NPAS3: variants seen among roughly 807,000 people sequenced by gnomAD.
NPAS3 encodes the protein neuronal PAS domain protein 3.
Under a neutral mutation model 73.1 loss-of-function variants are expected in NPAS3, and 14 were observed. The ratio of observed to expected loss-of-function variants is 0.19; its 90% confidence interval spans 0.13 to 0.30. The LOEUF (loss-of-function observed/expected upper bound fraction) is 0.30. NPAS3 is among the 10% of genes least tolerant of loss of function. The probability of loss-of-function intolerance (pLI) is 1.00; values close to 1 mark genes in which losing one functional copy is unlikely to be tolerated. For synonymous variants in NPAS3, 620 were observed against 541.5 expected (o/e 1.14, Z -2.01); for missense variants, 1,096 against 1,250.0 (o/e 0.88, Z 1.86).
chr14:33,235,068 A>G (rs560415713), intron 3 of NPAS3, among the ~76,000 whole-genome samples: 5 of 152,150 alleles, frequency 3.3e-5, no homozygotes, highest in African/African-American at 1.2e-4. Flanking sequence ...AGGACTATGC[A>G]TTAATGGGGA....
chr14:33,022,597 G>A (rs2039643313), intron 1 of NPAS3, among the ~76,000 whole-genome samples: 1 of 150,908 alleles, frequency 6.6e-6, no homozygotes. Context: ...CCCGGGAGGC[G>A]GAGCCTGCAG....
chr14:33,712,963 C>T (rs748352265), intron 6 of NPAS3, among the ~76,000 whole-genome samples: 1 of 152,132 alleles, frequency 6.6e-6, no homozygotes, highest in Non-Finnish European at 1.5e-5. Context: ...ACAGGAGGCA[C>T]TTTCTCTATG....
chr14:33,628,324 A>T (rs966509850), intron 5 of NPAS3, among the ~76,000 whole-genome samples: 3 of 152,216 alleles, frequency 2.0e-5, no homozygotes, highest in African/African-American at 7.2e-5. Flanking sequence ...AAGGATATTC[A>T]GTTTGTCAGA....
chr14:33,670,194 G>A (rs2059572721), intron 5 of NPAS3, among the ~76,000 whole-genome samples: 1 of 152,042 alleles, frequency 6.6e-6, no homozygotes, highest in African/African-American at 2.4e-5. Context: ...CACATGATGT[G>A]GTATCTTCTA....
At chr14:33,002,385 C>A (rs931840138) in intron 1 of NPAS3, among the ~76,000 whole-genome samples, 1 of 152,102 alleles carries the variant, frequency 6.6e-6, no homozygotes, top group Admixed American at 6.6e-5. Context: ...ATTCAAGAGG[C>A]AATTGGGAGC....
At chr14:33,520,717 C>G (rs767580579) in intron 4 of NPAS3, among the ~76,000 whole-genome samples, 3 of 152,018 alleles carry the variant, frequency 2.0e-5, no homozygotes, top group Non-Finnish European at 2.9e-5. Flanking sequence ...AATAATTTAT[C>G]CGTTTTCATT....
chr14:33,482,854 C>G (rs1173818425), intron 4 of NPAS3, among the ~76,000 whole-genome samples: 6 of 152,170 alleles, frequency 3.9e-5, no homozygotes, highest in Admixed American at 1.3e-4. Flanking sequence ...TTTTCTCTTT[C>G]TTTCTCAGTT....
intron 7 of NPAS3, among the ~76,000 whole-genome samples, chr14:33,755,686 G>C (rs1345543248): frequency 6.6e-6 from 1 of 152,048 alleles, no homozygotes; most frequent in African/African-American, 2.4e-5. Flanking sequence ...TACTGTCTTA[G>C]GCCATTCTAT....
chr14:33,050,517 T>G (rs955285681), intron 1 of NPAS3, among the ~76,000 whole-genome samples: 1 of 152,166 alleles, frequency 6.6e-6, no homozygotes, highest in Non-Finnish European at 1.5e-5. Flanking sequence ...CTGCATACCT[T>G]CTAAAGGGGA....
chr14:33,424,415 G>T (rs73262750), intron 4 of NPAS3, among the ~76,000 whole-genome samples: 3,572 of 151,994 alleles, frequency 0.024, 143 homozygotes, highest in African/African-American at 0.08. Context: ...GGCAGAGGTT[G>T]TATGATCAAA....
intron 2 of NPAS3, among the ~76,000 whole-genome samples, chr14:33,156,204 T>A (rs2044641942): frequency 6.6e-6 from 1 of 152,242 alleles, no homozygotes; most frequent in Non-Finnish European, 1.5e-5. Flanking sequence ...TACTCCTTTA[T>A]TTCATAGCAG....
At chr14:33,721,949 G>T (rs182954658) in intron 6 of NPAS3, among the ~76,000 whole-genome samples, 2 of 152,138 alleles carry the variant, frequency 1.3e-5, no homozygotes, top group Admixed American at 1.3e-4. Flanking sequence ...TCATTCTCAC[G>T]TCAGGTCGAA....
At chr14:33,493,156 C>A (rs1004931335) in intron 4 of NPAS3, among the ~76,000 whole-genome samples, 2 of 152,120 alleles carry the variant, frequency 1.3e-5, no homozygotes, top group South Asian at 2.1e-4. Flanking sequence ...CAGAAAACTT[C>A]TCATCATCAT....
intron 5 of NPAS3, among the ~76,000 whole-genome samples, chr14:33,643,113 T>G (rs2058720001): frequency 6.6e-6 from 1 of 152,148 alleles, no homozygotes; most frequent in African/African-American, 2.4e-5. Context: ...GCAGCCCTCG[T>G]GACTAGGAAC....
At chr14:33,189,077 C>T (rs1269308866) in intron 2 of NPAS3, among the ~76,000 whole-genome samples, 6 of 152,078 alleles carry the variant, frequency 3.9e-5, no homozygotes, top group African/African-American at 1.4e-4. Context: ...ATGAATTTAT[C>T]GCCTTTCCAA....
intron 4 of NPAS3, among the ~76,000 whole-genome samples, chr14:33,542,701 G>A (rs2054577192): frequency 6.6e-6 from 1 of 152,190 alleles, no homozygotes; most frequent in Non-Finnish European, 1.5e-5. Flanking sequence ...AGGCATTTAA[G>A]TAAAAAATAT....
intron 2 of NPAS3, among the ~76,000 whole-genome samples, chr14:33,159,342 C>A (rs954101597): frequency 6.6e-6 from 1 of 151,990 alleles, no homozygotes; most frequent in South Asian, 2.1e-4. Context: ...AACAGTAAGT[C>A]GTGAGGCATC....
At chr14:33,421,856 G>T (rs541904330) in intron 4 of NPAS3, among the ~76,000 whole-genome samples, 142 of 152,074 alleles carry the variant, frequency 9.3e-4, no homozygotes, top group African/African-American at 3.3e-3. Flanking sequence ...TAAGAAGAAA[G>T]ATGATTAGAT....
chr14:33,152,461 A>G (rs746376918), intron 2 of NPAS3, among the ~76,000 whole-genome samples: 19 of 152,040 alleles, frequency 1.2e-4, no homozygotes, highest in Non-Finnish European at 2.6e-4. Flanking sequence ...TGGTGTCCAT[A>G]TTGTCCCATG....
Sources: gnomAD v4.1 joint callset for allele counts (sites outside exome capture counted in the v4.1 genomes callset) on GRCh38, gnomAD v4.1.1 for gene constraint, MANE v1.5 for transcripts, NCBI Gene and HGNC (gene_info 2026-07-23, HGNC 2026-07-21) for gene names.